Variants in D2HGDH observed in about 807,000 individuals in gnomAD.
D2HGDH encodes the protein D-2-hydroxyglutarate dehydrogenase, mitochondrial.
A neutral mutation model predicts 46.9 loss-of-function variants in D2HGDH; 31 were observed. The observed-to-expected ratio is 0.66, with a 90% CI of 0.50 to 0.89. The LOEUF is 0.89. Ranked by LOEUF, D2HGDH falls within the 40% of genes least tolerant of loss-of-function variation. The pLI is 0.00. For synonymous variants in D2HGDH, 364 were observed against 332.6 expected (o/e 1.09, Z -1.03); for missense variants, 698 against 720.8 (o/e 0.97, Z 0.36).
At chr2:241,735,646 T>G in intron 2 of D2HGDH, 130 bp downstream of exon 2, 1 of 1,265,384 alleles carries the variant, frequency 7.9e-7, no homozygotes, top group Admixed American at 2.0e-5. Context: ...GAGAGGGGCG[T>G]GTGCACCGCC....
Position 241,744,845 on chromosome 2 carries a change from C to T in D2HGDH, c.821C>T (p.Pro274Leu), listed in dbSNP as rs781751387. The T allele has an allele frequency of 3.3e-5, 53 of 1,613,966 alleles. No individual in the cohort carries two copies. The highest frequency in any genetic ancestry group is 4.4e-5 in the Non-Finnish European group (52 of 1,180,008). The part of the protein sequence containing the change: ...IITTVSILCP[P>L]KPRAVNVAFL... ...ACCACGGTGTCCATCTTGTGTCCAC[C>T]CAAGCCCAGGGCTGTGAACGTGGCT... The change falls in exon 6 of 10, where the codon CCC (proline) becomes CTC (leucine). Residue 274 changes from proline to leucine, a missense_variant. Coordinates refer to ENST00000321264, the MANE Select transcript of D2HGDH (RefSeq NM_152783.5).
rs1332572457 is a variant in D2HGDH, at chr2:241,755,900, T to A, written c.1192T>A (p.Tyr398Asn). 1.2e-6 allele frequency: 2 copies of A among 1,613,232 alleles called. No homozygotes were observed. The change falls in exon 9 of 10, where the codon TAC (tyrosine) becomes AAC (asparagine). Residue 398 changes from tyrosine to asparagine, a missense_variant. Coordinates refer to ENST00000321264, the MANE Select transcript of D2HGDH (RefSeq NM_152783.5). ...RITEALSRDG[Y>N]VYKYDLSLPV... ...CACAGAGGCGCTGAGCCGGGATGGCTACGTGTACAAGTACGACCTCTCCCT... is the reference window on the plus strand; with the variant it reads ...CACAGAGGCGCTGAGCCGGGATGGCAACGTGTACAAGTACGACCTCTCCCT...
chr2:241,743,474 G>A lies in D2HGDH; in HGVS notation c.491-148G>A. 7 of 815,468 alleles carry A rather than the reference G, an allele frequency of 8.6e-6. No individual in the cohort carries two copies. The Admixed American group carries it at 1.1e-4, about 13-fold the overall frequency. 50.5% of individuals were successfully genotyped at this position (815,468 alleles called of 1,614,324 possible). A position where few individuals can be genotyped will look rare whatever the true frequency, so the allele number is the denominator to read the frequency against. ...CAGATGTTTTCGTCCTTGGGCCAGC[G>A]ATGTGGGGGTGCCTCTTCTCCTCAG... On this transcript the variant is annotated intron_variant, in intron 4 of 9. Coordinates refer to ENST00000321264, the MANE Select transcript of D2HGDH (RefSeq NM_152783.5). This position sits in a 1 kb window ranked among gnomAD's most constrained non-coding sequence, Gnocchi z 4.8.
intron 9 of D2HGDH, among the ~76,000 whole-genome samples, chr2:241,761,660 G>A (rs1212800123): frequency 1.3e-5 from 2 of 152,154 alleles, no homozygotes; most frequent in South Asian, 2.1e-4. Flanking sequence ...CAGTCCCCCA[G>A]GGACACTGAG....
rs368621453 is a variant in D2HGDH at position 241,743,477 on chromosome 2, G to T, written c.491-145G>T. The T allele has an allele frequency of 4.7e-4, 398 of 845,986 alleles. 2 individuals are homozygous for T. In the African/African-American group the frequency reaches 6.0e-3, roughly 13 times the overall value. The allele number at this position is 845,986 out of a possible 1,614,324, so 52.4% of individuals were successfully genotyped here. On this transcript the variant is annotated intron_variant, in intron 4 of 9. Transcript: ENST00000321264. This position sits in a 1 kb window ranked among gnomAD's most constrained non-coding sequence, Gnocchi z 4.8. Reference sequence around the variant, plus strand: ...ATGTTTTCGTCCTTGGGCCAGCGATGTGGGGGTGCCTCTTCTCCTCAGCCC... The same window carrying T: ...ATGTTTTCGTCCTTGGGCCAGCGATTTGGGGGTGCCTCTTCTCCTCAGCCC...
At chr2:241,755,705 T>TCTGGGG in intron 8 of D2HGDH, 144 bp from the exon 9 acceptor site, 3 of 1,562,042 alleles carry the variant, frequency 1.9e-6, no homozygotes, top group Non-Finnish European at 2.6e-6. Flanking sequence ...CCACACCTGG[T>TCTGGGG]CTGGGGCATT....
Position 241,742,656 on chromosome 2 carries a change from G to T in D2HGDH, c.490+82G>T, listed in dbSNP as rs929699035. 27 of 1,561,704 alleles carry T rather than the reference G, an allele frequency of 1.7e-5. No homozygotes were observed. Among genetic ancestry groups the T allele is most frequent in the Non-Finnish European group, 2.6e-6 (3 of 1,133,926 alleles). On this transcript the variant is annotated intron_variant, in intron 4 of 9. Transcript: ENST00000321264. The surrounding 1 kb of genome is among the most constrained non-coding windows in gnomAD (Gnocchi z 4.8). ...TTCCTTGCCAGCGTCTGCAACTGTG[G>T]GGTGCTTGGGTGGGTGAATGAGTTA...
At chr2:241,750,092 G>T (rs1028700535) in intron 6 of D2HGDH, 59 bp from the exon 7 acceptor site, 1 of 1,612,382 alleles carries the variant, frequency 6.2e-7, no homozygotes, top group Non-Finnish European at 8.5e-7. Context: ...TTTGAAGGGG[G>T]ACTTGGGTGG....
chr2:241,753,961 C>T (rs998069236), intron 8 of D2HGDH, among the ~76,000 whole-genome samples: 4 of 152,170 alleles, frequency 2.6e-5, no homozygotes, highest in East Asian at 1.9e-4. Flanking sequence ...CGGGGAGTGC[C>T]GGGAGGGCCG....
rs965177704 is a variant in D2HGDH, at chr2:241,742,236, G to A, written c.351-199G>A. Among the ~76,000 whole-genome samples the A allele has an allele frequency of 6.6e-6, 1 of 152,206 alleles. No individual in the cohort carries two copies. The highest frequency in any genetic ancestry group is 2.4e-5 in the African/African-American group (1 of 41,438). On this transcript the variant is annotated intron_variant, in intron 3 of 9. Transcript: ENST00000321264. The surrounding 1 kb of genome is among the most constrained non-coding windows in gnomAD (Gnocchi z 4.8). ...TCGGGGCCTCCACTTCCGTCTCCCT[G>A]TGCACAGCTTTCGGATTGGCCTCTG...
chr2:241,751,100 G>C (rs778183750), intron 7 of D2HGDH, 146 bp from the exon 8 acceptor site: 293 of 1,070,190 alleles, frequency 2.7e-4, no homozygotes, highest in Non-Finnish European at 3.8e-4. Context: ...CTTAACCAGA[G>C]AGCTGTGTGC....
chr2:241,755,608 G>T (rs1376045951), intron 8 of D2HGDH: 2 of 1,514,136 alleles, frequency 1.3e-6, no homozygotes, highest in African/African-American at 2.8e-5. Context: ...ATTGATTCCA[G>T]GGTTGGAGCC....
chr2:241,745,854 T>C (rs751394929), intron 6 of D2HGDH, among the ~76,000 whole-genome samples: 1 of 152,186 alleles, frequency 6.6e-6, no homozygotes, highest in Non-Finnish European at 1.5e-5. Context: ...TGTTGTTTGT[T>C]TTCTTTTATC....
intron 1 of D2HGDH, 110 bp from the exon 2 acceptor site, chr2:241,735,023 G>C (rs1238103513): frequency 1.7e-6 from 1 of 596,898 alleles, no homozygotes; most frequent in Non-Finnish European, 2.7e-6. Flanking sequence ...GAGGGCCCGG[G>C]TGCTCGGAGC....
At chr2:241,747,049 C>T (rs917977379) in intron 6 of D2HGDH, among the ~76,000 whole-genome samples, 6 of 152,010 alleles carry the variant, frequency 3.9e-5, no homozygotes, top group African/African-American at 1.4e-4. Flanking sequence ...CCCCTGGGTT[C>T]AAGCCATCCT....
chr2:241,734,771 G>A (rs1220427824), intron 1 of D2HGDH, 76 bp downstream of exon 1: 1 of 158,284 alleles, frequency 6.3e-6, no homozygotes, highest in Admixed American at 6.5e-5. Context: ...GGGGTGGCGG[G>A]GCGCGATCTC....
chr2:241,749,493 C>T (rs1311483488), intron 6 of D2HGDH: 3 of 854,300 alleles, frequency 3.5e-6, no homozygotes, highest in Admixed American at 8.1e-5. Context: ...ACTTGAGGGT[C>T]GGCTTCCCCA....
chr2:241,764,907 C>T (rs1351281878), intron 9 of D2HGDH, among the ~76,000 whole-genome samples: 9 of 152,188 alleles, frequency 5.9e-5, no homozygotes, highest in Non-Finnish European at 1.3e-4. Flanking sequence ...CTTCTCTGAG[C>T]CGTCGCCTTC....
intron 6 of D2HGDH, 98 bp downstream of exon 6, chr2:241,744,975 C>CCCT: frequency 6.6e-7 from 1 of 1,520,138 alleles, no homozygotes; most frequent in Non-Finnish European, 9.1e-7. Flanking sequence ...TGGAGGGACC[C>CCCT]CCCGCCAAGG....
Sources: gnomAD v4.1 joint callset for allele counts (sites outside exome capture counted in the v4.1 genomes callset) on GRCh38, gnomAD v4.1.1 for gene constraint, Gnocchi (gnomAD v3.1) non-coding constraint, MANE v1.5 for transcripts, NCBI Gene and HGNC (gene_info 2026-07-23, HGNC 2026-07-21) for gene names.